MGAM2: variants seen among roughly 807,000 people sequenced by gnomAD.
MGAM2 encodes the protein maltase-glucoamylase 2 (putative).
Under a neutral mutation model 96.1 loss-of-function variants are expected in MGAM2, and 98 were observed. The ratio of observed to expected loss-of-function variants is 1.02; its 90% CI spans 0.87 to 1.21. MGAM2 has a LOEUF of 1.21. MGAM2 is among the 50% of genes most tolerant of loss of function. The probability of loss-of-function intolerance (pLI) is 0.00; values close to 1 mark genes in which losing one functional copy is unlikely to be tolerated. For synonymous variants in MGAM2, 749 were observed against 414.8 expected, an observed-to-expected ratio of 1.81 and a Z score of -9.79; for missense variants, 2,055 against 1,182.4, an observed-to-expected ratio of 1.74 and a Z score of -10.82.
At chr7:142,138,851 C>T (rs1795134090) in intron 10 of MGAM2, among the ~76,000 whole-genome samples, 184 bp downstream of exon 10, 1 of 152,172 alleles carries the variant, frequency 6.6e-6, no homozygotes, top group Non-Finnish European at 1.5e-5. Flanking sequence ...TTAATGAAGC[C>T]TGATAGAGGT....
At chr7:142,186,812 G>A (rs1432819355) in intron 35 of MGAM2, among the ~76,000 whole-genome samples, 6 of 152,142 alleles carry the variant, frequency 3.9e-5, no homozygotes, top group Non-Finnish European at 8.8e-5. Flanking sequence ...AAAACACAGG[G>A]GCCTCCCTGA....
chr7:142,163,464 T>C (rs1174269586), intron 23 of MGAM2, among the ~76,000 whole-genome samples: 1 of 152,176 alleles, frequency 6.6e-6, no homozygotes, highest in Non-Finnish European at 1.5e-5. Flanking sequence ...GTATTTTTAG[T>C]ACAGATGAGG....
rs1379289816 is a variant in MGAM2 at position 142,147,584 on chromosome 7, G to A, written c.1634+11G>A. ...AAGAACCACAAACTTGTAAGGACTTGGTTTTCACCCTAATTCCAGATATGT... is the reference window on the plus strand; with the variant it reads ...AAGAACCACAAACTTGTAAGGACTTAGTTTTCACCCTAATTCCAGATATGT... On this transcript the variant is annotated intron_variant, in intron 15 of 47. Coordinates refer to ENST00000477922, the MANE Select transcript of MGAM2 (RefSeq NM_001293626.2). 3 of 700,060 alleles carry A rather than the reference G, an allele frequency of 4.3e-6. No homozygotes were observed. In the African/African-American group the frequency reaches 5.3e-5, roughly 12 times the overall value. 43.4% of individuals were successfully genotyped at this position (700,060 alleles called of 1,614,324 possible). A position where few individuals can be genotyped will look rare whatever the true frequency, so the allele number is the denominator to read the frequency against.
At chr7:142,189,568 T>C in intron 37 of MGAM2, 63 bp downstream of exon 37, 1 of 614,066 alleles carries the variant, frequency 1.6e-6, no homozygotes, top group Non-Finnish European at 2.9e-6. Flanking sequence ...TGCCATTTCA[T>C]ATTTGCATTG....
intron 45 of MGAM2, among the ~76,000 whole-genome samples, chr7:142,205,345 C>G (rs1040736129): frequency 1.3e-5 from 2 of 152,022 alleles, no homozygotes; most frequent in Non-Finnish European, 2.9e-5. Flanking sequence ...AAATTTCTGG[C>G]TTATGTGGTA....
intron 16 of MGAM2, 143 bp from the exon 17 acceptor site, chr7:142,154,586 G>A (rs1795679818): frequency 3.3e-6 from 2 of 604,966 alleles, no homozygotes; most frequent in Non-Finnish European, 5.9e-6. Flanking sequence ...CCTTTGGCTG[G>A]GAGTGTGCCC....
In MGAM2 at chr7:142,157,948, C is replaced by T. The variant is rs1339433988; in HGVS notation, c.1935C>T (p.Pro645=). 12 of 702,752 alleles carry T rather than the reference C, an allele frequency of 1.7e-5. No individual in the cohort carries two copies. The highest frequency in any genetic ancestry group is 8.0e-5 in the Admixed American group (4 of 49,970). 43.5% of individuals were successfully genotyped at this position (702,752 alleles called of 1,614,324 possible). The part of the protein sequence containing the change: ...HNGPGFRDQD[P]AAFGVDSLLL... Reference sequence around the variant, plus strand: ...CCATTTTCTCCTAGGACCAGGATCCCGCTGCCTTTGGTGTTGATTCCCTGC... The same window carrying T: ...CCATTTTCTCCTAGGACCAGGATCCTGCTGCCTTTGGTGTTGATTCCCTGC... The change falls in exon 18 of 48, where the codon CCC becomes CCT. Residue 645 remains proline (P), a synonymous_variant. Coordinates refer to ENST00000477922, the MANE Select transcript of MGAM2 (RefSeq NM_001293626.2).
chr7:142,207,775 C>T (rs562338901), intron 45 of MGAM2, among the ~76,000 whole-genome samples: 3 of 152,138 alleles, frequency 2.0e-5, no homozygotes, highest in East Asian at 1.9e-4. Flanking sequence ...AAAGGAGATG[C>T]GGTAGTAGCT....
chr7:142,153,907 C>T (rs1398805788), intron 15 of MGAM2, 111 bp from the exon 16 acceptor site: 2 of 484,208 alleles, frequency 4.1e-6, no homozygotes, highest in Non-Finnish European at 7.5e-6. Context: ...TTATGACACC[C>T]TCATGTTGTT....
intron 33 of MGAM2, among the ~76,000 whole-genome samples, chr7:142,183,852 T>C (rs763132543): frequency 2.0e-5 from 3 of 151,994 alleles, no homozygotes; most frequent in Non-Finnish European, 4.4e-5. Context: ...AATAGCATTT[T>C]AGGTGGACTT....
At chr7:142,175,259 A>G (rs1386429102) in intron 31 of MGAM2, among the ~76,000 whole-genome samples, 2 of 152,164 alleles carry the variant, frequency 1.3e-5, no homozygotes, top group African/African-American at 4.8e-5. Context: ...GATTTACTGT[A>G]GAAAAAAACC....
intron 3 of MGAM2, among the ~76,000 whole-genome samples, chr7:142,126,766 C>A (rs1794743987): frequency 6.6e-6 from 1 of 151,990 alleles, no homozygotes; most frequent in Non-Finnish European, 1.5e-5. Context: ...TAAGATATTT[C>A]TATTTCCTTG....
At chr7:142,211,916 A>G (rs1797597723) in intron 46 of MGAM2, among the ~76,000 whole-genome samples, 1 of 152,218 alleles carries the variant, frequency 6.6e-6, no homozygotes, top group Admixed American at 6.5e-5. Flanking sequence ...GAAATGAAGG[A>G]AAAAATGTTA....
chr7:142,120,917 T>G (rs971130109), intron 3 of MGAM2, among the ~76,000 whole-genome samples: 4 of 152,200 alleles, frequency 2.6e-5, no homozygotes, highest in African/African-American at 9.6e-5. Context: ...CAGAGTAGCT[T>G]CCATAAAATA....
In MGAM2 at chr7:142,134,178, C is replaced by T. The variant is rs907032223; in HGVS notation, c.747+26C>T. On this transcript the variant is annotated intron_variant, in intron 7 of 47. Transcript: ENST00000477922. The stretch of plus-strand genomic sequence containing the variant: ...GTGAGGTGGCTTTCCTCCTGAGTAT[C>T]GCCCACAGTAAGGGATACCCTCCTT... 5.9e-5 allele frequency: 42 copies of T among 717,348 alleles called. No individual in the cohort carries two copies. The Middle Eastern group carries it at 1.4e-3, about 23-fold the overall frequency. 44.4% of individuals were successfully genotyped at this position (717,348 alleles called of 1,614,324 possible).
intron 32 of MGAM2, among the ~76,000 whole-genome samples, chr7:142,180,753 A>T (rs1424112113): frequency 3.3e-5 from 5 of 151,982 alleles, no homozygotes; most frequent in Admixed American, 6.6e-5. Flanking sequence ...TTTTTAAAAA[A>T]TTTTTTTCTG....
chr7:142,205,520 A>T (rs1797378262), intron 45 of MGAM2, among the ~76,000 whole-genome samples: 1 of 152,020 alleles, frequency 6.6e-6, no homozygotes, highest in Non-Finnish European at 1.5e-5. Flanking sequence ...GAAAAGCTGT[A>T]GTTTTTTGTG....
rs1453501096 is a variant in MGAM2 at position 142,173,287 on chromosome 7, A to G, written c.3620A>G (p.Tyr1207Cys). Residue 1207 changes from tyrosine to cysteine, a missense_variant, in exon 31 of 48, where the codon TAT becomes TGT. Tyr to Cys is a radical substitution (Grantham distance 194). Transcript: ENST00000477922. Reference protein sequence around the residue: ...YWALGFHLSRYGYQNDAEISS... With the variant: ...YWALGFHLSRCGYQNDAEISS... ...GCCTTGGGATTCCATCTGAGTCGCTATGGATACCAGAATGATGCTGAAATC... is the reference window on the plus strand; with the variant it reads ...GCCTTGGGATTCCATCTGAGTCGCTGTGGATACCAGAATGATGCTGAAATC... 4.3e-6 allele frequency: 3 copies of G among 703,154 alleles called. No homozygotes were observed. The highest frequency in any genetic ancestry group is 3.5e-5 in the African/African-American group (2 of 57,352). 43.6% of individuals were successfully genotyped at this position (703,154 alleles called of 1,614,324 possible).
chr7:142,155,393 G>T (rs10224453), intron 17 of MGAM2, among the ~76,000 whole-genome samples: 33,446 of 152,044 alleles, frequency 0.22, 3,777 homozygotes, highest in Middle Eastern at 0.32. Flanking sequence ...TGGGTTCAAA[G>T]TCCCCCCTAA....
Sources: gnomAD v4.1 joint callset for allele counts (sites outside exome capture counted in the v4.1 genomes callset) on GRCh38, gnomAD v4.1.1 for gene constraint, MANE v1.5 for transcripts, NCBI Gene and HGNC (gene_info 2026-07-23, HGNC 2026-07-21) for gene names.